The following SLC8A3 variants were observed in gnomAD, a reference collection of about 807,000 sequenced individuals.
SLC8A3 encodes the protein solute carrier family 8 member A3, also known as sodium/calcium exchanger 3.
SLC8A3 carries 37 observed loss-of-function variants against 65.4 expected under a neutral mutation model. The observed-to-expected ratio is 0.57, with a 90% confidence interval of 0.44 to 0.74. The LOEUF (loss-of-function observed/expected upper bound fraction) is 0.74. SLC8A3 is among the 30% of genes least tolerant of loss of function. SLC8A3 has a pLI of 0.00. For missense variants in SLC8A3, 1,112 were observed against 1,172.1 expected (o/e 0.95, Z 0.75); for synonymous variants, 461 against 444.5 (o/e 1.04, Z -0.47).
At chr14:70,110,649 AC>A (rs1377445224) in intron 2 of SLC8A3, among the ~76,000 whole-genome samples, 1 of 149,706 alleles carries the variant, frequency 6.7e-6, no homozygotes, top group Non-Finnish European at 1.5e-5. Flanking sequence ...GCTGCTGCAA[AC>A]ATGAGAGTGC....
chr14:70,162,300 A>T (rs1478215756), intron 2 of SLC8A3, among the ~76,000 whole-genome samples: 1 of 152,188 alleles, frequency 6.6e-6, no homozygotes, highest in Non-Finnish European at 1.5e-5. Context: ...TCAAACCCTC[A>T]CTTTCTAACG....
At chr14:70,050,918 A>G (rs567144418) in intron 5 of SLC8A3, 90 bp downstream of exon 5, 3 of 773,606 alleles carry the variant, frequency 3.9e-6, no homozygotes, top group Admixed American at 1.9e-5. Context: ...AAGCCTTCCT[A>G]GGGACTGGCA....
intron 1 of SLC8A3, among the ~76,000 whole-genome samples, chr14:70,174,662 G>GTTTGTTTTT (rs1566833477): frequency 3.0e-5 from 2 of 66,516 alleles, no homozygotes; most frequent in Admixed American, 1.7e-4. Flanking sequence ...TTTTTTTTTT[G>GTTTGTTTTT]TTTTTTTTTT....
At chr14:70,057,920 C>G (rs1366363211) in intron 3 of SLC8A3, among the ~76,000 whole-genome samples, 2 of 152,212 alleles carry the variant, frequency 1.3e-5, no homozygotes, top group Admixed American at 6.5e-5. Flanking sequence ...GCTTTCCTTT[C>G]TATCCGAAGG....
chr14:70,064,134 T>A (rs372663624), intron 2 of SLC8A3, among the ~76,000 whole-genome samples: 1 of 152,196 alleles, frequency 6.6e-6, no homozygotes, highest in South Asian at 2.1e-4. Context: ...TGCTGCTTCA[T>A]GGCATGATCA....
intron 2 of SLC8A3, among the ~76,000 whole-genome samples, chr14:70,154,493 T>C (rs1332186957): frequency 6.6e-6 from 1 of 152,158 alleles, no homozygotes; most frequent in Non-Finnish European, 1.5e-5. Flanking sequence ...GAACAACATA[T>C]ATGGCTCCCA....
chr14:70,162,234 A>C (rs1896936393), intron 2 of SLC8A3, among the ~76,000 whole-genome samples: 1 of 152,248 alleles, frequency 6.6e-6, no homozygotes, highest in Non-Finnish European at 1.5e-5. Context: ...AAAATGGAGA[A>C]GCCTAAGATG....
intron 2 of SLC8A3, among the ~76,000 whole-genome samples, chr14:70,067,627 A>G (rs1225561242): frequency 2.0e-5 from 3 of 152,230 alleles, no homozygotes; most frequent in Non-Finnish European, 2.9e-5. Context: ...TGCAGCAAAA[A>G]TATGTCATTA....
chr14:70,048,429 G>A (rs1594881314), intron 6 of SLC8A3: 1 of 581,030 alleles, frequency 1.7e-6, no homozygotes. Flanking sequence ...ACTTGGGCAT[G>A]TAGCTTAACC....
At chr14:70,084,343 C>T (rs1891272751) in intron 2 of SLC8A3, among the ~76,000 whole-genome samples, 1 of 152,170 alleles carries the variant, frequency 6.6e-6, no homozygotes, top group Non-Finnish European at 1.5e-5. Context: ...AGCACACCCT[C>T]CATTAAGAGT....
At chr14:70,057,293 G>GATA (rs1351854366) in intron 3 of SLC8A3, among the ~76,000 whole-genome samples, 2 of 144,702 alleles carry the variant, frequency 1.4e-5, no homozygotes, top group Non-Finnish European at 3.0e-5. Context: ...TAGGCAGATA[G>GATA]GTAGATAGAT....
At chr14:70,113,517 G>A (rs1057510587) in intron 2 of SLC8A3, among the ~76,000 whole-genome samples, 2 of 152,176 alleles carry the variant, frequency 1.3e-5, no homozygotes, top group Non-Finnish European at 2.9e-5. Context: ...TATGGCATTT[G>A]CCAAGTGTAT....
chr14:70,078,050 C>T (rs982778094), intron 2 of SLC8A3, among the ~76,000 whole-genome samples: 7 of 152,206 alleles, frequency 4.6e-5, no homozygotes, highest in African/African-American at 1.7e-4. Flanking sequence ...GCCAGGAAGG[C>T]CTCCTGATCC....
intron 2 of SLC8A3, among the ~76,000 whole-genome samples, chr14:70,085,598 C>T (rs1024654029): frequency 6.6e-6 from 1 of 152,122 alleles, no homozygotes; most frequent in African/African-American, 2.4e-5. Context: ...TATCATAATA[C>T]GATGCCAACA....
chr14:70,050,655 AAAAG>A (rs1490074076), intron 5 of SLC8A3, among the ~76,000 whole-genome samples: 1 of 152,190 alleles, frequency 6.6e-6, no homozygotes, highest in African/African-American at 2.4e-5. Flanking sequence ...CAAACCCATG[AAAAG>A]AAAGAATGAC....
At chr14:70,121,138 C>T (rs946231948) in intron 2 of SLC8A3, among the ~76,000 whole-genome samples, 6 of 152,016 alleles carry the variant, frequency 3.9e-5, no homozygotes, top group Non-Finnish European at 5.9e-5. Context: ...TTTTAGACCC[C>T]CCCCAAAATG....
intron 2 of SLC8A3, among the ~76,000 whole-genome samples, chr14:70,118,467 C>T (rs901277357): frequency 3.3e-5 from 5 of 152,216 alleles, no homozygotes; most frequent in African/African-American, 9.6e-5. Context: ...AGAGCTCAGC[C>T]TTTTCAGCTC....
chr14:70,185,865 A>T (rs1404892370), intron 1 of SLC8A3, among the ~76,000 whole-genome samples: 1 of 152,230 alleles, frequency 6.6e-6, no homozygotes, highest in Non-Finnish European at 1.5e-5. Flanking sequence ...AAAAGGGTCC[A>T]TTCTATTTTA....
intron 2 of SLC8A3, among the ~76,000 whole-genome samples, chr14:70,104,493 A>G (rs995034805): frequency 2.6e-5 from 4 of 152,144 alleles, no homozygotes; most frequent in African/African-American, 9.7e-5. Context: ...TGATGAATCA[A>G]TTCGTCTATT....
Sources: gnomAD v4.1 joint callset for allele counts (sites outside exome capture counted in the v4.1 genomes callset) on GRCh38, gnomAD v4.1.1 for gene constraint, MANE v1.5 for transcripts, NCBI Gene and HGNC (gene_info 2026-07-23, HGNC 2026-07-21) for gene names.